Variants in GPR78 observed in about 807,000 individuals in gnomAD.
The protein encoded by GPR78 is G protein-coupled receptor 78.
GPR78 carries 29 observed loss-of-function variants against 17.9 expected under a neutral mutation model. The observed-to-expected ratio is 1.62, with a 90% CI of 1.20 to 2.21. The LOEUF (loss-of-function observed/expected upper bound fraction) is 2.21. GPR78 is among the 30% of genes most tolerant of loss of function. The pLI, the probability that GPR78 is intolerant of heterozygous loss-of-function variation, is 0.00. For missense variants in GPR78, 649 were observed against 530.5 expected, an observed-to-expected ratio of 1.22 and a Z score of -2.19; for synonymous variants, 349 against 256.9, an observed-to-expected ratio of 1.36 and a Z score of -3.43.
Position 8,581,331 on chromosome 4 carries a change from C to G in GPR78, c.349C>G (p.Arg117Gly). Residue 117 changes from arginine to glycine, a missense_variant, in exon 1 of 3, where the codon CGC becomes GGC. Transcript: ENST00000382487. Reference sequence around the variant, plus strand: ...GGGCTTCCCACTGCGCTACGCCGGACGCCTGCGACCGCGCTATGCCGGCCT... The same window carrying G: ...GGGCTTCCCACTGCGCTACGCCGGAGGCCTGCGACCGCGCTATGCCGGCCT... Reference protein sequence around the residue: ...AVGFPLRYAGRLRPRYAGLLL... With the variant: ...AVGFPLRYAGGLRPRYAGLLL... The G allele has an allele frequency of 1.3e-6, 2 of 1,575,224 alleles. No homozygotes were observed. Among genetic ancestry groups the G allele is most frequent in the Admixed American group, 3.5e-5 (2 of 57,470 alleles).
Position 8,581,203 on chromosome 4 carries a change from C to A in GPR78, c.221C>A (p.Ser74Ter). Residue 74 changes from serine to a stop codon, truncating the protein, a stop_gained, in exon 1 of 3, where the codon TCG becomes TAG. Transcript: ENST00000382487. LOFTEE classifies it high-confidence loss of function. ...GGTGTGATGCGCGGGCGGACACCGT[C>A]GGCGCCCGGCGCATGCCAAGTCATT... ...LLGVMRGRTP[S>*]APGACQVIGF... is the part of the protein sequence containing the mutation. The A allele has an allele frequency of 6.3e-7, 1 of 1,599,434 alleles. No individual in the cohort carries two copies.
At position 8,587,377 on chromosome 4, in the gene GPR78, C is replaced by T. The variant is rs561787272; in HGVS notation, c.*14C>T. ...CAGACACACTGAGGGCCTGGCAGGG[C>T]TCATCGCCCCCACCTTCTAAGAAGC... On this transcript the variant is annotated 3_prime_UTR_variant, in exon 3 of 3. Coordinates refer to ENST00000382487, the MANE Select transcript of GPR78 (RefSeq NM_080819.5). 2.5e-6 allele frequency: 4 copies of T among 1,605,306 alleles called. No individual in the cohort carries two copies. The Admixed American group carries it at 5.0e-5, about 20-fold the overall frequency.
Position 8,587,231 on chromosome 4 carries a change from A to C in GPR78, c.960A>C (p.Ala320=). 1 of 1,606,200 alleles carries C rather than the reference A, an allele frequency of 6.2e-7. No homozygotes were observed. Among genetic ancestry groups the C allele is most frequent in the Non-Finnish European group, 8.5e-7 (1 of 1,174,716 alleles). ...TGCTGAAGAGAACCCCGCGCCCAGC[A>C]TCCACCCATGACAGCTCTCTGGATG... is the stretch of plus-strand genomic sequence containing the variant. The part of the protein sequence containing the change: ...HRLLKRTPRP[A]STHDSSLDVA... The change falls in exon 3 of 3, where the codon GCA becomes GCC. Residue 320 remains alanine (A), a synonymous_variant. Coordinates refer to ENST00000382487, the MANE Select transcript of GPR78 (RefSeq NM_080819.5).
Position 8,581,268 on chromosome 4 carries a change from A to G in GPR78, c.286A>G (p.Ser96Gly), listed in dbSNP as rs1037606690. ...CTTCCTGGCGTCCAACGCGGCGCTG[A>G]GCGTGGCGGCGCTGAGCGCAGACCA... The part of the protein sequence containing the change: ...DTFLASNAAL[S>G]VAALSADQWL... The change falls in exon 1 of 3, where the codon AGC becomes GGC. Residue 96 changes from serine to glycine, a missense_variant. Transcript: ENST00000382487. 1.9e-6 allele frequency: 3 copies of G among 1,590,778 alleles called. No individual in the cohort carries two copies. In the African/African-American group the frequency reaches 4.0e-5, roughly 21 times the overall value.
At position 8,588,476 on chromosome 4, in the gene GPR78, G is replaced by A. The variant is rs942977310; in HGVS notation, c.*1113G>A. On this transcript the variant is annotated 3_prime_UTR_variant, in exon 3 of 3. Coordinates refer to ENST00000382487, the MANE Select transcript of GPR78 (RefSeq NM_080819.5). ...CAGGGAAAGGTGCACAGTGCACACG[G>A]GCACCCGGTGGAGAGGTGTGTGTGT... Among the ~76,000 whole-genome samples the A allele has an allele frequency of 2.6e-5, 4 of 152,258 alleles. No homozygotes were observed. Among genetic ancestry groups the A allele is most frequent in the African/African-American group, 9.6e-5 (4 of 41,466 alleles).
rs1429874239 is a variant in GPR78 at position 8,587,381 on chromosome 4, T to G, written c.*18T>G. 6 of 1,604,468 alleles carry G rather than the reference T, an allele frequency of 3.7e-6. No homozygotes were observed. The highest frequency in any genetic ancestry group is 1.3e-5 in the African/African-American group (1 of 74,774). Reference sequence around the variant, plus strand: ...CACACTGAGGGCCTGGCAGGGCTCATCGCCCCCACCTTCTAAGAAGCCCTG... The same window carrying G: ...CACACTGAGGGCCTGGCAGGGCTCAGCGCCCCCACCTTCTAAGAAGCCCTG... On this transcript the variant is annotated 3_prime_UTR_variant, in exon 3 of 3. Transcript: ENST00000382487.
Position 8,582,646 on chromosome 4 carries a change from T to G in GPR78, c.782+2T>G, listed in dbSNP as rs141741405. On this transcript the variant is annotated splice_donor_variant, in intron 2 of 2. Transcript: ENST00000382487. LOFTEE classifies it high-confidence loss of function. ...CTTTGCCCCGTATGTCATGACCAGG[T>G]GGGTCCTGGCAGTCCGGCTCCTGTT... is the stretch of plus-strand genomic sequence containing the variant. The G allele has an allele frequency of 3.8e-6, 6 of 1,592,422 alleles. No individual in the cohort carries two copies. The highest frequency in any genetic ancestry group is 5.2e-6 in the Non-Finnish European group (6 of 1,160,486).
chr4:8,581,647 C>G lies in GPR78; in HGVS notation c.665C>G (p.Pro222Arg), dbSNP rs773375996. The G allele has an allele frequency of 6.8e-7, 1 of 1,474,878 alleles. No individual in the cohort carries two copies. Among genetic ancestry groups the G allele is most frequent in the Non-Finnish European group, 9.0e-7 (1 of 1,116,608 alleles). The allele number at this position is 1,474,878 out of a possible 1,614,324, so 91.4% of individuals were successfully genotyped here. ...KALALLADLH[P>R]SVRQRCLIQQ... ...CTCGCGCTGCTCGCCGACCTGCACCCCAGGTATTGGCCCAGTGCATGCCGA... is the reference window on the plus strand; with the variant it reads ...CTCGCGCTGCTCGCCGACCTGCACCGCAGGTATTGGCCCAGTGCATGCCGA... The change falls in exon 1 of 3, where the codon CCC becomes CGC. Residue 222 changes from proline (P) to arginine (R), a missense_variant. Coordinates refer to ENST00000382487, the MANE Select transcript of GPR78 (RefSeq NM_080819.5).
At chr4:8,582,692 T>C in intron 2 of GPR78, 48 bp downstream of exon 2, 1 of 1,274,988 alleles carries the variant, frequency 7.8e-7, no homozygotes, top group Non-Finnish European at 1.1e-6. Context: ...CTGGGTGGGC[T>C]TGGCCTCAGT....
At position 8,587,757 on chromosome 4, in the gene GPR78, T is replaced by A. The variant is rs918546910; in HGVS notation, c.*394T>A. 3.8e-6 allele frequency: 1 copy of A among 263,376 alleles called. No individual in the cohort carries two copies. The highest frequency in any genetic ancestry group is 6.2e-5 in the South Asian group (1 of 16,030). 16.3% of individuals were successfully genotyped at this position (263,376 alleles called of 1,614,324 possible). A position where few individuals can be genotyped will look rare whatever the true frequency, so the allele number is the denominator to read the frequency against. ...GTGAGGTGGTCACTCTTGCTCAGGG[T>A]CTGTTGTGCAGCCCAGATGGACACC... On this transcript the variant is annotated 3_prime_UTR_variant, in exon 3 of 3. Coordinates refer to ENST00000382487, the MANE Select transcript of GPR78 (RefSeq NM_080819.5).
chr4:8,586,505 C>T (rs1713512315), intron 2 of GPR78, among the ~76,000 whole-genome samples: 1 of 152,228 alleles, frequency 6.6e-6, no homozygotes, highest in South Asian at 2.1e-4. Context: ...GTCACACTTG[C>T]TCAGGGTCTG....
rs185506069 is a variant in GPR78 at position 8,580,762 on chromosome 4, C to G, written c.-221C>G. 3 of 572,808 alleles carry G rather than the reference C, an allele frequency of 5.2e-6. No homozygotes were observed. The highest frequency in any genetic ancestry group is 3.1e-5 in the East Asian group (1 of 32,784). 35.5% of individuals were successfully genotyped at this position (572,808 alleles called of 1,614,324 possible). A position where few individuals can be genotyped will look rare whatever the true frequency, so the allele number is the denominator to read the frequency against. On this transcript the variant is annotated 5_prime_UTR_variant, in exon 1 of 3. Coordinates refer to ENST00000382487, the MANE Select transcript of GPR78 (RefSeq NM_080819.5). The stretch of plus-strand genomic sequence containing the variant: ...GGTTGCGCTGCCTCCAGGGCGGCCC[C>G]GGGCTGCTCCTGCTCCGCAGAGCTA...
chr4:8,580,745 T>C lies in GPR78; in HGVS notation c.-238T>C. 2 of 553,570 alleles carry C rather than the reference T, an allele frequency of 3.6e-6. No individual in the cohort carries two copies. The highest frequency in any genetic ancestry group is 5.0e-5 in the South Asian group (2 of 39,936). The allele number at this position is 553,570 out of a possible 1,614,324, so 34.3% of individuals were successfully genotyped here. A position where few individuals can be genotyped will look rare whatever the true frequency, so the allele number is the denominator to read the frequency against. On this transcript the variant is annotated 5_prime_UTR_variant, in exon 1 of 3. Transcript: ENST00000382487. ...ACCCTGGACAGCACCGCGGTTGCGC[T>C]GCCTCCAGGGCGGCCCCGGGCTGCT...
chr4:8,581,104 C>G lies in GPR78; in HGVS notation c.122C>G (p.Ser41Ter). ...AGCGCTGAGCTCCGCACTCGAGCCT[C>G]AGGCGTCCTCCTGGTGAATCTGTCT... is the stretch of plus-strand genomic sequence containing the variant. Reference protein sequence around the residue: ...AYSAELRTRASGVLLVNLSLG... With the variant: ...AYSAELRTRA The change falls in exon 1 of 3, where the codon TCA becomes TGA. Residue 41 changes from serine (S) to a stop codon, truncating the protein, a stop_gained. Transcript: ENST00000382487. LOFTEE classifies it high-confidence loss of function. 6.2e-7 allele frequency: 1 copy of G among 1,606,606 alleles called. No homozygotes were observed. Among genetic ancestry groups the G allele is most frequent in the Non-Finnish European group, 8.5e-7 (1 of 1,179,678 alleles).
Position 8,587,396 on chromosome 4 carries a change from A to G in GPR78, c.*33A>G. 4.4e-6 allele frequency: 7 copies of G among 1,594,026 alleles called. No individual in the cohort carries two copies. Among genetic ancestry groups the G allele is most frequent in the Non-Finnish European group, 5.1e-6 (6 of 1,167,850 alleles). ...GCAGGGCTCATCGCCCCCACCTTCT[A>G]AGAAGCCCTGTGGAAAGGGCACTGG... On this transcript the variant is annotated 3_prime_UTR_variant, in exon 3 of 3. Coordinates refer to ENST00000382487, the MANE Select transcript of GPR78 (RefSeq NM_080819.5).
chr4:8,583,846 C>A (rs1177821454), intron 2 of GPR78, among the ~76,000 whole-genome samples: 1 of 152,164 alleles, frequency 6.6e-6, no homozygotes, highest in Non-Finnish European at 1.5e-5. Context: ...ACCACTGATC[C>A]CATCTGGCTT....
intron 2 of GPR78, among the ~76,000 whole-genome samples, chr4:8,585,539 T>G (rs1249692240): frequency 6.6e-6 from 1 of 152,162 alleles, no homozygotes; most frequent in Non-Finnish European, 1.5e-5. Flanking sequence ...TCCCTGTATG[T>G]GGGGGTGACA....
In GPR78 at chr4:8,585,459, A is replaced by G. The variant is rs114561194; in HGVS notation, c.783-1595A>G. 3.4e-3 allele frequency among the ~76,000 whole-genome samples: 515 copies of G among 151,586 alleles called. 2 individuals are homozygous for G. The highest frequency in any genetic ancestry group is 0.012 in the African/African-American group (492 of 41,312). ...AATGCCAGCCTCCTCAGATCCTTCG[A>G]TAGGACCTTCCTTCCCACTTGCCTG... On this transcript the variant is annotated intron_variant, in intron 2 of 2. Transcript: ENST00000382487.
chr4:8,588,749 A>G lies in GPR78; in HGVS notation c.*1386A>G, dbSNP rs1163828799. ...TATGGACATCAAATTCTTTCCTTCC[A>G]GAGGCTGAATTCTTCAAAGACACAC... On this transcript the variant is annotated 3_prime_UTR_variant, in exon 3 of 3. Transcript: ENST00000382487. 1.3e-5 allele frequency among the ~76,000 whole-genome samples: 2 copies of G among 152,260 alleles called. No individual in the cohort carries two copies. The highest frequency in any genetic ancestry group is 4.8e-5 in the African/African-American group (2 of 41,468).
Sources: gnomAD v4.1 joint callset for allele counts (sites outside exome capture counted in the v4.1 genomes callset) on GRCh38, gnomAD v4.1.1 for gene constraint, MANE v1.5 for transcripts, NCBI Gene and HGNC (gene_info 2026-07-23, HGNC 2026-07-21) for gene names.